The following RANBP2 variants were observed in gnomAD, a reference collection of about 807,000 sequenced individuals.
RANBP2 encodes the protein RAN binding protein 2.
Under a neutral mutation model 303.6 loss-of-function variants are expected in RANBP2, and 57 were observed. The observed-to-expected ratio is 0.19, with a 90% CI of 0.15 to 0.23. The LOEUF (loss-of-function observed/expected upper bound fraction) is 0.23. Ranked by LOEUF, RANBP2 falls within the 10% of genes least tolerant of loss-of-function variation. RANBP2 has a pLI of 1.00. For missense variants in RANBP2, 3,138 were observed against 3,780.8 expected, an observed-to-expected ratio of 0.83 and a Z score of 4.46; for synonymous variants, 1,167 against 1,301.5, an observed-to-expected ratio of 0.90 and a Z score of 2.23.
chr2:108,999,998 CT>C, the RANBP2 span, among the ~76,000 whole-genome samples: 1 of 152,322 alleles, frequency 6.6e-6, no homozygotes, highest in African/African-American at 2.4e-5. Context: ...TCTCAAAGGC[CT>C]TCTCTAAGTT....
intron 8 of RANBP2, among the ~76,000 whole-genome samples, chr2:108,748,168 A>T (rs1414824808): frequency 6.6e-6 from 1 of 151,822 alleles, no homozygotes; most frequent in Non-Finnish European, 1.5e-5. Flanking sequence ...CTGTAAACCT[A>T]TGGAATAAAA....
chr2:108,732,109 T>C (rs1695210897), intron 4 of RANBP2, among the ~76,000 whole-genome samples: 1 of 152,204 alleles, frequency 6.6e-6, no homozygotes. Context: ...ATGTATACTT[T>C]ATCGTGTGTG....
the RANBP2 span, among the ~76,000 whole-genome samples, chr2:109,368,908 A>G: frequency 6.6e-6 from 1 of 151,822 alleles, no homozygotes; most frequent in African/African-American, 2.4e-5. Flanking sequence ...CCTTAGGCTG[A>G]TCTGAGCTGG....
At chr2:109,648,351 T>C in the RANBP2 span, among the ~76,000 whole-genome samples, 1 of 152,144 alleles carries the variant, frequency 6.6e-6, no homozygotes, top group African/African-American at 2.4e-5. Flanking sequence ...AAAGACACCA[T>C]CTGATTTACA....
chr2:109,181,681 CA>C, the RANBP2 span, among the ~76,000 whole-genome samples: 3 of 152,246 alleles, frequency 2.0e-5, no homozygotes, highest in African/African-American at 7.2e-5. Context: ...CTCCCGGCCA[CA>C]GGGGGTTCCT....
chr2:109,235,007 A>G, the RANBP2 span, among the ~76,000 whole-genome samples: 1,016 of 152,258 alleles, frequency 6.7e-3, 7 homozygotes, highest in African/African-American at 0.023. Flanking sequence ...TCTTTATCTG[A>G]TATCTTTAGA....
the RANBP2 span, among the ~76,000 whole-genome samples, chr2:109,447,324 G>A: frequency 1.7e-4 from 26 of 152,234 alleles, no homozygotes; most frequent in Middle Eastern, 0.014. Flanking sequence ...TGTGTCAGAA[G>A]AAGGCCTGAC....
chr2:109,253,444 G>C, the RANBP2 span, among the ~76,000 whole-genome samples: 12 of 152,180 alleles, frequency 7.9e-5, 1 homozygote, highest in Non-Finnish European at 2.9e-5. Context: ...GCTGCTTTCC[G>C]GGTGGGCTGG....
the RANBP2 span, among the ~76,000 whole-genome samples, chr2:109,704,198 C>T: frequency 6.6e-6 from 1 of 152,150 alleles, no homozygotes; most frequent in Non-Finnish European, 1.5e-5. Context: ...GCAGCTTTAC[C>T]TGCTCCCTGT....
chr2:108,749,680 C>T (rs370179252), intron 9 of RANBP2, among the ~76,000 whole-genome samples: 3 of 152,328 alleles, frequency 2.0e-5, no homozygotes, highest in African/African-American at 7.2e-5. Context: ...ATACCTTGAA[C>T]TTCTGGGCTC....
chr2:109,675,349 T>C, the RANBP2 span, among the ~76,000 whole-genome samples: 1 of 152,132 alleles, frequency 6.6e-6, no homozygotes, highest in Non-Finnish European at 1.5e-5. Flanking sequence ...CTGAATCGAA[T>C]CCGCAGAGGC....
the RANBP2 span, among the ~76,000 whole-genome samples, chr2:108,932,528 CAAAAAAAAAA>C: frequency 2.6e-5 from 1 of 39,122 alleles, no homozygotes; most frequent in East Asian, 7.9e-4. Context: ...GACTCTGTCT[CAAAAAAAAAA>C]AAAAAAAAAA....
At chr2:108,827,416 A>G in the RANBP2 span, among the ~76,000 whole-genome samples, 1 of 152,272 alleles carries the variant, frequency 6.6e-6, no homozygotes, top group African/African-American at 2.4e-5. Flanking sequence ...AATTTTATTT[A>G]ATGATATGAA....
At chr2:109,314,096 G>T in the RANBP2 span, among the ~76,000 whole-genome samples, 1 of 152,206 alleles carries the variant, frequency 6.6e-6, no homozygotes, top group East Asian at 1.9e-4. Flanking sequence ...TGTGGACTTG[G>T]GGGACACAGT....
the RANBP2 span, chr2:109,552,759 G>C: frequency 4.7e-6 from 1 of 214,668 alleles, no homozygotes; most frequent in Non-Finnish European, 9.3e-6. Context: ...CCTAAAAATT[G>C]TATACCGTGG....
the RANBP2 span, among the ~76,000 whole-genome samples, chr2:109,413,217 C>T: frequency 3.3e-5 from 5 of 152,316 alleles, no homozygotes; most frequent in East Asian, 5.8e-4. Flanking sequence ...TGGGTTCAAA[C>T]GATTCTCCTG....
the RANBP2 span, among the ~76,000 whole-genome samples, chr2:109,635,265 C>A: frequency 6.6e-6 from 1 of 152,190 alleles, no homozygotes; most frequent in Non-Finnish European, 1.5e-5. Flanking sequence ...TCACTGCAAC[C>A]TCTGCCTCCC....
At chr2:108,743,021 C>T (rs1272773373) in intron 7 of RANBP2, among the ~76,000 whole-genome samples, 1 of 152,214 alleles carries the variant, frequency 6.6e-6, no homozygotes, top group Non-Finnish European at 1.5e-5. Flanking sequence ...GATCTCCTGA[C>T]CTCATGATCC....
chr2:108,820,437 T>A, the RANBP2 span, among the ~76,000 whole-genome samples: 1 of 151,924 alleles, frequency 6.6e-6, no homozygotes, highest in African/African-American at 2.4e-5. Context: ...GCTGAAAACA[T>A]CCCAAACTTT....
Sources: gnomAD v4.1 joint callset for allele counts (sites outside exome capture counted in the v4.1 genomes callset) on GRCh38, gnomAD v4.1.1 for gene constraint, MANE v1.5 for transcripts, NCBI Gene and HGNC (gene_info 2026-07-23, HGNC 2026-07-21) for gene names.